Variants in CCDC60 observed in about 807,000 individuals in gnomAD.
The protein encoded by CCDC60 is coiled-coil domain-containing protein 60.
A neutral mutation model predicts 63.5 loss-of-function variants in CCDC60; 54 were observed. That is an observed-to-expected ratio of 0.85 (90% CI 0.68 to 1.07). The LOEUF is 1.07. Among genes scored for constraint, CCDC60 ranks in the 50% least tolerant of loss-of-function variants. The pLI is 0.00. For synonymous variants in CCDC60, 206 were observed against 238.8 expected (o/e 0.86, Z 1.27); for missense variants, 651 against 684.3 (o/e 0.95, Z 0.54).
At chr12:119,495,023 T>A (rs557988871) in intron 5 of CCDC60, among the ~76,000 whole-genome samples, 11 of 152,186 alleles carry the variant, frequency 7.2e-5, no homozygotes, top group African/African-American at 2.7e-4. Flanking sequence ...TGTTTTATGA[T>A]GAAAATGGCT....
At chr12:119,453,992 C>A (rs1950681168) in intron 2 of CCDC60, among the ~76,000 whole-genome samples, 1 of 152,124 alleles carries the variant, frequency 6.6e-6, no homozygotes, top group Non-Finnish European at 1.5e-5. Flanking sequence ...AGGCACCATA[C>A]TAATTGCCTC....
At chr12:119,353,869 T>C (rs1955688403) in intron 1 of CCDC60, among the ~76,000 whole-genome samples, 2 of 152,236 alleles carry the variant, frequency 1.3e-5, no homozygotes, top group Admixed American at 1.3e-4. Context: ...GGTCCAGAGT[T>C]TGAGACCAGC....
chr12:119,487,245 C>T (rs1425770637), intron 4 of CCDC60, among the ~76,000 whole-genome samples: 5 of 152,048 alleles, frequency 3.3e-5, no homozygotes, highest in African/African-American at 4.8e-5. Flanking sequence ...CTCCCATCCC[C>T]CATTGTAAAG....
chr12:119,338,640 G>C (rs368555975), intron 1 of CCDC60, among the ~76,000 whole-genome samples: 1 of 152,184 alleles, frequency 6.6e-6, no homozygotes, highest in Non-Finnish European at 1.5e-5. Context: ...CACCACAGGG[G>C]CTACAAAAAT....
chr12:119,368,964 G>T (rs74929410), intron 1 of CCDC60, among the ~76,000 whole-genome samples: 2,075 of 152,266 alleles, frequency 0.014, 43 homozygotes, highest in African/African-American at 0.047. Flanking sequence ...AGAGGATGAA[G>T]AAAGAGGAAT....
intron 2 of CCDC60, among the ~76,000 whole-genome samples, chr12:119,440,355 C>A (rs2136257692): frequency 6.6e-6 from 1 of 152,144 alleles, no homozygotes; most frequent in South Asian, 2.1e-4. Flanking sequence ...ACGGCGAAAC[C>A]CAGTCTCTAC....
At chr12:119,531,555 C>T (rs1952842706) in intron 13 of CCDC60, among the ~76,000 whole-genome samples, 1 of 152,092 alleles carries the variant, frequency 6.6e-6, no homozygotes, top group East Asian at 1.9e-4. Flanking sequence ...AAGGCAAGAC[C>T]AGAATCATGA....
chr12:119,382,331 G>C (rs2136186624), intron 1 of CCDC60, among the ~76,000 whole-genome samples: 1 of 152,314 alleles, frequency 6.6e-6, no homozygotes, highest in Admixed American at 6.5e-5. Flanking sequence ...ATGCTCGGCT[G>C]TGTGACAGCC....
chr12:119,453,126 C>A (rs1401400564), intron 2 of CCDC60, among the ~76,000 whole-genome samples: 1 of 152,236 alleles, frequency 6.6e-6, no homozygotes, highest in Non-Finnish European at 1.5e-5. Context: ...CATACCCAGC[C>A]AGAACTTGGC....
At chr12:119,450,179 C>G (rs784842) in intron 2 of CCDC60, among the ~76,000 whole-genome samples, 2 of 144,380 alleles carry the variant, frequency 1.4e-5, no homozygotes, top group African/African-American at 2.5e-5. Flanking sequence ...TGAATTATTG[C>G]GTGTTCTTAT....
chr12:119,344,407 G>C (rs1955565588), intron 1 of CCDC60, among the ~76,000 whole-genome samples: 1 of 152,130 alleles, frequency 6.6e-6, no homozygotes, highest in Admixed American at 6.5e-5. Context: ...AGAAACCCAA[G>C]CTTCATCTAT....
chr12:119,538,221 G>A (rs1469147964), intron 13 of CCDC60, among the ~76,000 whole-genome samples: 6 of 152,352 alleles, frequency 3.9e-5, no homozygotes, highest in East Asian at 1.9e-4. Flanking sequence ...GGGACCTGCC[G>A]AGCCAGGCGC....
At chr12:119,505,398 A>C in intron 7 of CCDC60, 95 bp downstream of exon 7, 1 of 771,078 alleles carries the variant, frequency 1.3e-6, no homozygotes, top group Non-Finnish European at 2.1e-6. Context: ...ACCTCCACTC[A>C]TTTAAAGGTG....
intron 1 of CCDC60, among the ~76,000 whole-genome samples, chr12:119,408,687 G>A (rs559502694): frequency 5.9e-5 from 9 of 152,200 alleles, no homozygotes; most frequent in African/African-American, 9.6e-5. Context: ...TTAGCCAGGC[G>A]TGGTGGCGGG....
At chr12:119,495,944 GACTC>G (rs904615572) in intron 5 of CCDC60, among the ~76,000 whole-genome samples, 5 of 152,178 alleles carry the variant, frequency 3.3e-5, no homozygotes, top group Non-Finnish European at 1.5e-5. Flanking sequence ...ATCAAGGAAA[GACTC>G]ACTCAGACAG....
At chr12:119,357,644 G>GT (rs1955731504) in intron 1 of CCDC60, among the ~76,000 whole-genome samples, 1 of 152,120 alleles carries the variant, frequency 6.6e-6, no homozygotes, top group Admixed American at 6.5e-5. Context: ...AGTAGATACA[G>GT]TTTTTCTCTA....
At chr12:119,469,778 G>A (rs144448773) in intron 2 of CCDC60, among the ~76,000 whole-genome samples, 53 of 152,294 alleles carry the variant, frequency 3.5e-4, no homozygotes, top group African/African-American at 5.8e-4. Context: ...GCAGTTTCAC[G>A]TCAAGGAAGT....
In CCDC60 at chr12:119,466,130, T is replaced by C. The variant is rs1021428076; in HGVS notation, c.171-5864T>C. 2.0e-5 allele frequency among the ~76,000 whole-genome samples: 3 copies of C among 152,192 alleles called. No homozygotes were observed. In the South Asian group the frequency reaches 6.2e-4, roughly 32 times the overall value. ...CTCCCTTACCTCCTTCACATCTTTC[T>C]GCAAACATCACCTTCTGAGTGAGGG... On this transcript the variant is annotated intron_variant, in intron 2 of 13. Coordinates refer to ENST00000327554, the MANE Select transcript of CCDC60 (RefSeq NM_178499.5).
At chr12:119,494,601 C>T (rs916188116) in intron 5 of CCDC60, among the ~76,000 whole-genome samples, 5 of 152,184 alleles carry the variant, frequency 3.3e-5, no homozygotes, top group African/African-American at 1.2e-4. Context: ...AAGGGCTGGG[C>T]TGTCCAGGCA....
Sources: gnomAD v4.1 joint callset for allele counts (sites outside exome capture counted in the v4.1 genomes callset) on GRCh38, gnomAD v4.1.1 for gene constraint, MANE v1.5 for transcripts, NCBI Gene and HGNC (gene_info 2026-07-23, HGNC 2026-07-21) for gene names.